The following HLCS variants were observed in gnomAD, a reference collection of about 807,000 sequenced individuals.
The protein encoded by HLCS is holocarboxylase synthetase, also known as biotin--protein ligase.
A neutral mutation model predicts 75.0 loss-of-function variants in HLCS; 53 were observed. That is an observed-to-expected ratio of 0.71 (90% confidence interval 0.57 to 0.89). The LOEUF (loss-of-function observed/expected upper bound fraction) is 0.89, where lower values mean the gene tolerates loss of function less well. Ranked by LOEUF, HLCS falls within the 40% of genes least tolerant of loss-of-function variation. The pLI, the probability that HLCS is intolerant of heterozygous loss-of-function variation, is 0.00. For missense variants in HLCS, 966 were observed against 1,074.0 expected (o/e 0.90, Z 1.41); for synonymous variants, 431 against 428.6 (o/e 1.01, Z -0.07).
chr21:36,968,462 T>C (rs1446798363), upstream of HLCS: 3 of 152,118 alleles, frequency 2.0e-5, no homozygotes, highest in Non-Finnish European at 4.4e-5. Flanking sequence ...AAGAAATAAC[T>C]GGGCTTAAAA....
At chr21:36,756,209 C>T (rs533458583) in intron 10 of HLCS, among the ~76,000 whole-genome samples, 31 of 152,020 alleles carry the variant, frequency 2.0e-4, no homozygotes, top group South Asian at 6.2e-4. Flanking sequence ...GAGGCCAAGG[C>T]GGGCAGATCA....
intron 1 of HLCS, among the ~76,000 whole-genome samples, chr21:36,975,504 C>A (rs970501460): frequency 2.6e-5 from 4 of 152,172 alleles, no homozygotes; most frequent in Admixed American, 1.3e-4. Flanking sequence ...TCCTGCTTCT[C>A]AAACTCCTGC....
rs1018005527 is a variant in HLCS at position 36,751,210 on chromosome 21, T to C, written c.*3036A>G. On this transcript the variant is annotated 3_prime_UTR_variant, in exon 11 of 11. Coordinates refer to ENST00000674895, the MANE Select transcript of HLCS (RefSeq NM_001352514.2). Reference sequence around the variant, plus strand: ...CCCAAACCACATAGAAAGTCTTAGTTTATTTTGGTAGACTTGCTTTTTATA... The same window carrying C: ...CCCAAACCACATAGAAAGTCTTAGTCTATTTTGGTAGACTTGCTTTTTATA... The C allele has an allele frequency of 5.9e-5, 9 of 152,658 alleles. No individual in the cohort carries two copies. The highest frequency in any genetic ancestry group is 2.2e-4 in the African/African-American group (9 of 41,454). 9.5% of individuals were successfully genotyped at this position (152,658 alleles called of 1,614,324 possible).
intron 9 of HLCS, chr21:36,759,183 G>A (rs1175799994): frequency 4.2e-6 from 2 of 471,010 alleles, no homozygotes; most frequent in Admixed American, 2.3e-5. Context: ...TGAGGCTGAT[G>A]ACTGGACGGC....
intron 1 of HLCS, among the ~76,000 whole-genome samples, chr21:36,988,499 A>C (rs944699963): frequency 6.6e-6 from 1 of 152,198 alleles, no homozygotes; most frequent in Non-Finnish European, 1.5e-5. Context: ...ATTGCAAACA[A>C]TGCTGCAATG....
At chr21:36,833,988 C>T (rs1162378929) in intron 6 of HLCS, among the ~76,000 whole-genome samples, 3 of 152,288 alleles carry the variant, frequency 2.0e-5, no homozygotes, top group East Asian at 1.9e-4. Context: ...TCCACTTATA[C>T]GTGGATTCTT....
chr21:36,912,606 C>T (rs997902688), intron 5 of HLCS, among the ~76,000 whole-genome samples: 1 of 152,102 alleles, frequency 6.6e-6, no homozygotes, highest in African/African-American at 2.4e-5. Context: ...GTGTAATTTA[C>T]ACCACTGAAT....
intron 6 of HLCS, among the ~76,000 whole-genome samples, chr21:36,893,687 T>C (rs1034248608): frequency 6.6e-6 from 1 of 152,198 alleles, no homozygotes; most frequent in Non-Finnish European, 1.5e-5. Context: ...TTTGAGCTCC[T>C]ATGAGAATCT....
intron 6 of HLCS, among the ~76,000 whole-genome samples, chr21:36,882,683 G>A (rs1390636151): frequency 9.3e-5 from 13 of 139,564 alleles, no homozygotes; most frequent in Non-Finnish European, 1.8e-4. Flanking sequence ...GGATGGCCTC[G>A]ATCTCCTGAC....
At chr21:36,762,160 T>C (rs2089870871) in intron 8 of HLCS, among the ~76,000 whole-genome samples, 1 of 152,204 alleles carries the variant, frequency 6.6e-6, no homozygotes, top group Non-Finnish European at 1.5e-5. Flanking sequence ...GCTAACATCA[T>C]GGGAGACGGA....
chr21:36,928,839 A>G (rs1181189312), intron 5 of HLCS, among the ~76,000 whole-genome samples: 1 of 152,178 alleles, frequency 6.6e-6, no homozygotes, highest in African/African-American at 2.4e-5. Flanking sequence ...ATACAGAGCA[A>G]ATATTTGCTT....
At chr21:36,985,896 G>T (rs755924143) in intron 1 of HLCS, among the ~76,000 whole-genome samples, 1 of 152,132 alleles carries the variant, frequency 6.6e-6, no homozygotes, top group Non-Finnish European at 1.5e-5. Flanking sequence ...AATTGATGAC[G>T]CTGACTTTGT....
chr21:36,813,873 G>A (rs1357481041), intron 6 of HLCS, among the ~76,000 whole-genome samples: 1 of 152,054 alleles, frequency 6.6e-6, no homozygotes, highest in African/African-American at 2.4e-5. Context: ...CATCAAATAA[G>A]AAAACTTAAT....
At chr21:36,843,808 C>A (rs775997778) in intron 6 of HLCS, among the ~76,000 whole-genome samples, 11 of 152,176 alleles carry the variant, frequency 7.2e-5, no homozygotes, top group Middle Eastern at 3.4e-3. Flanking sequence ...GAGTTCAAGA[C>A]CAGCCTGGGC....
At chr21:36,967,049 C>T (rs1284306344), upstream of HLCS, among the ~76,000 whole-genome samples, 4 of 151,860 alleles carry the variant, frequency 2.6e-5, no homozygotes, top group Non-Finnish European at 4.4e-5. Context: ...GGAGGGGAGG[C>T]TCCAGTGGCT....
Position 36,760,171 on chromosome 21 carries a change from T to C in HLCS, c.2122-330A>G, listed in dbSNP as rs114539568. Among the ~76,000 whole-genome samples the C allele has an allele frequency of 0.013, 1,912 of 152,174 alleles. 40 individuals are homozygous for C. The highest frequency in any genetic ancestry group is 0.044 in the African/African-American group (1,834 of 41,506). On this transcript the variant is annotated intron_variant, in intron 8 of 10. Transcript: ENST00000674895. ...TCAGTATCCACCACCACCACCACCA[T>C]GGAGTAGCTAACTAACGTGCTAGGG...
intron 1 of HLCS, among the ~76,000 whole-genome samples, chr21:36,982,768 C>T (rs1030256302): frequency 6.6e-6 from 1 of 152,166 alleles, no homozygotes; most frequent in East Asian, 1.9e-4. Context: ...CAGTGGATCA[C>T]GCCTGTAATC....
chr21:36,757,772 C>T (rs974800906), intron 9 of HLCS, among the ~76,000 whole-genome samples: 7 of 152,214 alleles, frequency 4.6e-5, no homozygotes, highest in African/African-American at 1.7e-4. Context: ...CAAGTAACTA[C>T]AGCAACAGGG....
chr21:36,869,188 G>T (rs921482860), intron 6 of HLCS, among the ~76,000 whole-genome samples: 1 of 151,816 alleles, frequency 6.6e-6, no homozygotes, highest in Non-Finnish European at 1.5e-5. Flanking sequence ...GCAGTGGTGC[G>T]ATCTCGGCTC....
Sources: allele counts gnomAD v4.1 joint callset (sites outside exome capture counted in the v4.1 genomes callset), GRCh38; gene constraint gnomAD v4.1.1; transcripts MANE v1.5; gene names NCBI Gene and HGNC (gene_info 2026-07-23, HGNC 2026-07-21).